Variants in KSR2 observed in about 807,000 individuals in gnomAD.
KSR2 encodes kinase suppressor of ras 2.
Under a neutral mutation model 107.8 loss-of-function variants are expected in KSR2, and 25 were observed. The ratio of observed to expected loss-of-function variants is 0.23; its 90% CI spans 0.17 to 0.32. KSR2 has a LOEUF of 0.32. Ranked by LOEUF, KSR2 falls within the 10% of genes least tolerant of loss-of-function variation. The pLI is 1.00. For synonymous variants in KSR2, 480 were observed against 507.0 expected (o/e 0.95, Z 0.71); for missense variants, 887 against 1,268.9 (o/e 0.70, Z 4.57).
intron 1 of KSR2, among the ~76,000 whole-genome samples, chr12:117,885,340 G>T (rs1002153880): frequency 1.3e-5 from 2 of 152,168 alleles, no homozygotes; most frequent in Non-Finnish European, 2.9e-5. Context: ...ACTCTGTGAA[G>T]TAGGGTTCAT....
At chr12:117,886,186 T>C (rs944601723) in intron 1 of KSR2, among the ~76,000 whole-genome samples, 2 of 150,362 alleles carry the variant, frequency 1.3e-5, no homozygotes, top group Non-Finnish European at 3.0e-5. Flanking sequence ...AATATTTGTA[T>C]AGGTATAAAT....
chr12:117,486,637 T>G (rs1000096237), intron 14 of KSR2, among the ~76,000 whole-genome samples: 1 of 152,196 alleles, frequency 6.6e-6, no homozygotes, highest in Non-Finnish European at 1.5e-5. Flanking sequence ...GTTCATTCAT[T>G]TGGTGTTTAC....
rs571561709 is a variant in KSR2 at position 117,905,262 on chromosome 12, T to A, written c.181-44831A>T. ...GGAGATAGCTTATGATAAAAAATTTTAAAAAAACGTGTATTCAAGCTAACA... is the reference window on the plus strand; with the variant it reads ...GGAGATAGCTTATGATAAAAAATTTAAAAAAAACGTGTATTCAAGCTAACA... On this transcript the variant is annotated intron_variant, in intron 1 of 19. Transcript: ENST00000339824. Among the ~76,000 whole-genome samples the A allele has an allele frequency of 1.1e-4, 17 of 152,232 alleles. 1 individual carries two copies. In the East Asian group the frequency reaches 2.1e-3, roughly 19 times the overall value.
chr12:117,825,358 T>A (rs558222161), intron 3 of KSR2, among the ~76,000 whole-genome samples: 1 of 152,208 alleles, frequency 6.6e-6, no homozygotes, highest in South Asian at 2.1e-4. Context: ...GTTGGGGGCA[T>A]GGCTGGGTAA....
intron 5 of KSR2, among the ~76,000 whole-genome samples, chr12:117,585,639 G>C (rs1213403718): frequency 6.8e-6 from 1 of 147,950 alleles, no homozygotes; most frequent in African/African-American, 2.5e-5. Context: ...CTGTTGAAAG[G>C]GAAGGGGAAA....
chr12:117,563,592 A>T (rs1878265087), intron 7 of KSR2, among the ~76,000 whole-genome samples: 2 of 152,186 alleles, frequency 1.3e-5, no homozygotes, highest in Non-Finnish European at 2.9e-5. Context: ...AATCTCAAGC[A>T]GCGGCAGGTG....
chr12:117,822,444 G>A (rs1891598198), intron 3 of KSR2, among the ~76,000 whole-genome samples: 1 of 151,992 alleles, frequency 6.6e-6, no homozygotes. Flanking sequence ...GCCTACAAAG[G>A]GGTTACGTCC....
chr12:117,579,825 T>A (rs1290836886), intron 6 of KSR2, among the ~76,000 whole-genome samples: 1 of 152,134 alleles, frequency 6.6e-6, no homozygotes, highest in African/African-American at 2.4e-5. Flanking sequence ...TCCAACCCCA[T>A]CCACTTGCTG....
chr12:117,563,944 C>T (rs530329395), intron 7 of KSR2, among the ~76,000 whole-genome samples: 1 of 152,274 alleles, frequency 6.6e-6, no homozygotes, highest in South Asian at 2.1e-4. Context: ...TCAAATAAAC[C>T]ACTTGCCCTC....
At chr12:117,470,126 C>T (rs1279635331) in intron 18 of KSR2, among the ~76,000 whole-genome samples, 1 of 151,844 alleles carries the variant, frequency 6.6e-6, no homozygotes, top group Non-Finnish European at 1.5e-5. Flanking sequence ...ACTCATCCAC[C>T]CATCATGCAT....
chr12:117,546,608 A>G (rs11068535), intron 9 of KSR2, among the ~76,000 whole-genome samples: 4,606 of 152,190 alleles, frequency 0.03, 104 homozygotes, highest in Non-Finnish European at 0.046. Flanking sequence ...GATGACACCA[A>G]TGTTAGATTT....
At chr12:117,561,843 T>C (rs1385102908) in intron 7 of KSR2, among the ~76,000 whole-genome samples, 1 of 152,222 alleles carries the variant, frequency 6.6e-6, no homozygotes, top group African/African-American at 2.4e-5. Context: ...GGAAAGCTCA[T>C]GATGCTTCAA....
intron 17 of KSR2, 26 bp downstream of exon 17, chr12:117,476,438 C>A: frequency 6.4e-7 from 1 of 1,566,146 alleles, no homozygotes; most frequent in East Asian, 2.3e-5. Flanking sequence ...CTGTGGCTCT[C>A]AATGGCCAGG....
chr12:117,822,984 T>G (rs1369549813), intron 3 of KSR2, among the ~76,000 whole-genome samples: 3 of 152,064 alleles, frequency 2.0e-5, no homozygotes, highest in Non-Finnish European at 2.9e-5. Context: ...AGAAAGGCTT[T>G]CCAAAGAAAA....
At chr12:117,542,929 GT>G (rs893343383) in intron 9 of KSR2, among the ~76,000 whole-genome samples, 2 of 152,120 alleles carry the variant, frequency 1.3e-5, no homozygotes, top group African/African-American at 4.8e-5. Flanking sequence ...GGTATCGATA[GT>G]TTCTTCCTTT....
chr12:117,917,112 C>G (rs574903619), intron 1 of KSR2, among the ~76,000 whole-genome samples: 80 of 152,164 alleles, frequency 5.3e-4, no homozygotes, highest in Admixed American at 5.2e-3. Flanking sequence ...AAAGTCGTGA[C>G]AATGAAAAAT....
chr12:117,551,451 G>A (rs1877304916), intron 9 of KSR2, among the ~76,000 whole-genome samples: 1 of 152,078 alleles, frequency 6.6e-6, no homozygotes, highest in Admixed American at 6.5e-5. Context: ...CTCCTATTAT[G>A]TCTATTTTAC....
intron 7 of KSR2, among the ~76,000 whole-genome samples, chr12:117,577,980 G>A (rs1879390155): frequency 6.6e-6 from 1 of 152,196 alleles, no homozygotes; most frequent in East Asian, 1.9e-4. Context: ...AGCTTAGTCT[G>A]ACTCCGGAGC....
intron 4 of KSR2, among the ~76,000 whole-genome samples, chr12:117,670,447 C>G (rs1200083674): frequency 6.6e-6 from 1 of 152,150 alleles, no homozygotes; most frequent in East Asian, 1.9e-4. Flanking sequence ...GCCCTGAAAC[C>G]AGGCAGTACG....
Sources: gnomAD v4.1 joint callset for allele counts (sites outside exome capture counted in the v4.1 genomes callset) on GRCh38, gnomAD v4.1.1 for gene constraint, MANE v1.5 for transcripts, NCBI Gene and HGNC (gene_info 2026-07-23, HGNC 2026-07-21) for gene names.